EXOC4: variants seen among roughly 807,000 people sequenced by gnomAD.
The protein encoded by EXOC4 is exocyst complex component 4.
A neutral mutation model predicts 107.2 loss-of-function variants in EXOC4; 71 were observed. The observed-to-expected ratio is 0.66, with a 90% CI of 0.55 to 0.81. EXOC4 has a LOEUF of 0.81. Ranked by LOEUF, EXOC4 falls within the 30% of genes least tolerant of loss-of-function variation. The probability of loss-of-function intolerance (pLI) is 0.00; values close to 1 mark genes in which losing one functional copy is unlikely to be tolerated. For synonymous variants in EXOC4, 456 were observed against 441.2 expected, an observed-to-expected ratio of 1.03 and a Z score of -0.42; for missense variants, 1,108 against 1,189.6, an observed-to-expected ratio of 0.93 and a Z score of 1.01.
intron 11 of EXOC4, among the ~76,000 whole-genome samples, chr7:133,871,480 C>T (rs888750328): frequency 6.6e-6 from 1 of 152,118 alleles, no homozygotes; most frequent in Non-Finnish European, 1.5e-5. Context: ...AAAAGTCTTC[C>T]TCCAAGGTGG....
chr7:133,805,951 GAATT>G (rs1380154659), intron 10 of EXOC4, among the ~76,000 whole-genome samples: 1 of 152,208 alleles, frequency 6.6e-6, no homozygotes, highest in African/African-American at 2.4e-5. Flanking sequence ...GTAAGAACCT[GAATT>G]AGTATGTGAG....
intron 6 of EXOC4, among the ~76,000 whole-genome samples, chr7:133,369,911 T>C (rs1461335373): frequency 1.3e-5 from 2 of 151,382 alleles, no homozygotes; most frequent in East Asian, 3.9e-4. Flanking sequence ...TTCAAGCGAT[T>C]CTTCTGCCTC....
At chr7:133,309,433 T>C (rs913743413) in intron 4 of EXOC4, among the ~76,000 whole-genome samples, 14 of 152,154 alleles carry the variant, frequency 9.2e-5, no homozygotes, top group Non-Finnish European at 2.1e-4. Flanking sequence ...TTCTCAGATA[T>C]GAATTTATAA....
intron 10 of EXOC4, among the ~76,000 whole-genome samples, chr7:133,734,399 C>T (rs1309902915): frequency 2.0e-5 from 3 of 151,126 alleles, no homozygotes; most frequent in Admixed American, 2.0e-4. Flanking sequence ...GTAAATGGAA[C>T]CTTTGAAGTT....
At chr7:133,712,438 T>C (rs1236877492) in intron 10 of EXOC4, among the ~76,000 whole-genome samples, 1 of 45,328 alleles carries the variant, frequency 2.2e-5, no homozygotes, top group African/African-American at 1.2e-4. Context: ...AAACTCTGTC[T>C]CAAAAAAAAA....
chr7:133,791,519 G>A (rs951674002), intron 10 of EXOC4, among the ~76,000 whole-genome samples: 1 of 152,140 alleles, frequency 6.6e-6, no homozygotes, highest in Non-Finnish European at 1.5e-5. Context: ...AGTTCTTTTG[G>A]CAGTTATAGA....
intron 5 of EXOC4, among the ~76,000 whole-genome samples, chr7:133,348,167 T>C (rs1795828062): frequency 6.6e-6 from 1 of 152,224 alleles, no homozygotes; most frequent in African/African-American, 2.4e-5. Flanking sequence ...TTTTGTGATA[T>C]TAGACTAGTC....
At chr7:133,513,832 A>G (rs1302204928) in intron 9 of EXOC4, among the ~76,000 whole-genome samples, 3 of 152,080 alleles carry the variant, frequency 2.0e-5, no homozygotes, top group African/African-American at 4.8e-5. Flanking sequence ...TTTACTTTCA[A>G]TTCTTGGTTA....
At chr7:133,623,581 A>G (rs1243709666) in intron 9 of EXOC4, among the ~76,000 whole-genome samples, 2 of 152,192 alleles carry the variant, frequency 1.3e-5, no homozygotes, top group Non-Finnish European at 2.9e-5. Flanking sequence ...AATAATAATG[A>G]CACACTACCT....
intron 9 of EXOC4, among the ~76,000 whole-genome samples, chr7:133,483,398 A>G (rs1378247166): frequency 6.6e-6 from 1 of 152,234 alleles, no homozygotes; most frequent in African/African-American, 2.4e-5. Context: ...CTGGCCCAGG[A>G]CAAAACTACT....
chr7:133,837,807 C>T (rs192265521), intron 11 of EXOC4, among the ~76,000 whole-genome samples: 28 of 152,288 alleles, frequency 1.8e-4, no homozygotes, highest in African/African-American at 6.7e-4. Context: ...TTATGGTTTT[C>T]TCTTTGGAGG....
At chr7:134,083,810 C>T in the EXOC4 span, among the ~76,000 whole-genome samples, 1 of 152,200 alleles carries the variant, frequency 6.6e-6, no homozygotes, top group Non-Finnish European at 1.5e-5. Flanking sequence ...TCCTACCTCT[C>T]AACAGGAGGA....
chr7:134,004,998 C>T lies in EXOC4; in HGVS notation c.2435C>T (p.Pro812Leu). 6.2e-7 allele frequency: 1 copy of T among 1,613,450 alleles called. No homozygotes were observed. The highest frequency in any genetic ancestry group is 1.7e-5 in the Admixed American group (1 of 59,954). Residue 812 changes from proline (P) to leucine (L), a missense_variant, in exon 16 of 18, where the codon CCC becomes CTC. Pro to Leu is a moderately conservative substitution (Grantham distance 98). Transcript: ENST00000253861. ...VANVESMDYDPLVVKLNKDIS... is the reference protein window; with the variant it reads ...VANVESMDYDLLVVKLNKDIS... ...AATGTGGAAAGTATGGATTATGACC[C>T]CCTGGTGGTCAAGCTCAACAAAGAT...
At chr7:134,061,725 C>T (rs1796063130) in intron 17 of EXOC4, among the ~76,000 whole-genome samples, 1 of 152,158 alleles carries the variant, frequency 6.6e-6, no homozygotes, top group Non-Finnish European at 1.5e-5. Flanking sequence ...ATCACCTGTG[C>T]ATCTACAGGA....
intron 9 of EXOC4, among the ~76,000 whole-genome samples, chr7:133,581,138 T>C (rs569859377): frequency 6.6e-6 from 1 of 152,296 alleles, no homozygotes; most frequent in South Asian, 2.1e-4. Context: ...CAGAAAATGT[T>C]TGGACCCCCC....
intron 10 of EXOC4, among the ~76,000 whole-genome samples, chr7:133,723,691 A>G (rs960376680): frequency 2.0e-5 from 3 of 152,130 alleles, no homozygotes; most frequent in Admixed American, 2.0e-4. Context: ...GGGTTTCACT[A>G]TGTTGGTTGG....
At chr7:134,082,846 G>T in the EXOC4 span, among the ~76,000 whole-genome samples, 1 of 152,182 alleles carries the variant, frequency 6.6e-6, no homozygotes, top group African/African-American at 2.4e-5. Context: ...ATGCAGCCCA[G>T]TAGGTCTCAG....
intron 10 of EXOC4, among the ~76,000 whole-genome samples, chr7:133,779,628 A>T (rs988587310): frequency 6.6e-6 from 1 of 152,164 alleles, no homozygotes; most frequent in Admixed American, 6.5e-5. Flanking sequence ...GTGCTCTGTA[A>T]AAATGCTCCA....
chr7:133,489,705 T>C (rs1423170785), intron 9 of EXOC4, among the ~76,000 whole-genome samples: 4 of 152,186 alleles, frequency 2.6e-5, no homozygotes, highest in Admixed American at 6.5e-5. Context: ...GTTTATTGTA[T>C]GTTTACTTGT....
Sources: gnomAD v4.1 joint callset for allele counts (sites outside exome capture counted in the v4.1 genomes callset) on GRCh38, gnomAD v4.1.1 for gene constraint, MANE v1.5 for transcripts, NCBI Gene and HGNC (gene_info 2026-07-23, HGNC 2026-07-21) for gene names.